Variants in PFKFB4 observed in about 807,000 individuals in gnomAD.
PFKFB4 encodes the protein 6-phosphofructo-2-kinase/fructose-2,6-bisphosphatase 4.
In PFKFB4, 42 loss-of-function variants were observed where a neutral mutation model predicts 62.8. The observed-to-expected ratio is 0.67, with a 90% CI of 0.52 to 0.86. The LOEUF (loss-of-function observed/expected upper bound fraction) is 0.86, where lower values mean the gene tolerates loss of function less well. Among genes scored for constraint, PFKFB4 ranks in the 40% least tolerant of loss-of-function variants. The pLI is 0.00. For missense variants in PFKFB4, 475 were observed against 627.2 expected, an observed-to-expected ratio of 0.76 and a Z score of 2.59; for synonymous variants, 204 against 240.7, an observed-to-expected ratio of 0.85 and a Z score of 1.41.
In PFKFB4 at chr3:48,536,574, G is replaced by A. The variant is rs147334619; in HGVS notation, c.633-111C>T. On this transcript the variant is annotated intron_variant, in intron 7 of 13. Transcript: ENST00000232375. ...CGAGGCCTTGCACTTCCAACCACCA[G>A]AGATTACAACCCTCAGGACCGTCAG... The A allele has an allele frequency of 1.2e-3, 989 of 792,090 alleles. 7 individuals are homozygous for A. The African/African-American group carries it at 0.015, about 12-fold the overall frequency. 49.1% of individuals were successfully genotyped at this position (792,090 alleles called of 1,614,324 possible). A position where few individuals can be genotyped will look rare whatever the true frequency, so the allele number is the denominator to read the frequency against.
chr3:48,541,211 T>C (rs2042788695), intron 4 of PFKFB4, among the ~76,000 whole-genome samples: 1 of 151,628 alleles, frequency 6.6e-6, no homozygotes, highest in African/African-American at 2.4e-5. Context: ...CAGTCTCCCA[T>C]CTGCCTCCTG....
Position 48,536,442 on chromosome 3 carries a change from G to T in PFKFB4, c.654C>A (p.Ile218=), listed in dbSNP as rs1455085977. 2 of 1,613,658 alleles carry T rather than the reference G, an allele frequency of 1.2e-6. No homozygotes were observed. The highest frequency in any genetic ancestry group is 2.2e-5 in the East Asian group (1 of 44,880). Residue 218 remains isoleucine (I), a synonymous_variant, in exon 8 of 14, where the codon ATC becomes ATA. Transcript: ENST00000232375. The part of the protein sequence containing the change: ...DLDRDLSYIK[I]MDVGQSYVVN... The stretch of plus-strand genomic sequence containing the variant: ...CCACGTAGCTCTGGCCCACATCCAT[G>T]ATCTTGATATAGGACAGGTCCCTGT...
rs573315338 is a variant in PFKFB4, at chr3:48,556,396, G to C, written c.97+285C>G. 7.2e-5 allele frequency among the ~76,000 whole-genome samples: 11 copies of C among 152,234 alleles called. No individual in the cohort carries two copies. In the South Asian group the frequency reaches 2.1e-3, roughly 29 times the overall value. On this transcript the variant is annotated intron_variant, in intron 1 of 13. Coordinates refer to ENST00000232375, the MANE Select transcript of PFKFB4 (RefSeq NM_004567.4). This position sits in a 1 kb window ranked among gnomAD's most constrained non-coding sequence, Gnocchi z 5.7. ...TGGGGATTGGAGAGGGAAGCGAGGG[G>C]GCCAGAGCCCTCCCCGAGGTGATGG...
At position 48,556,620 on chromosome 3, in the gene PFKFB4, G is replaced by T; in HGVS notation, c.97+61C>A. 7.2e-7 allele frequency: 1 copy of T among 1,397,446 alleles called. No homozygotes were observed. 86.6% of individuals were successfully genotyped at this position (1,397,446 alleles called of 1,614,324 possible). On this transcript the variant is annotated intron_variant, in intron 1 of 13. Transcript: ENST00000232375. The surrounding 1 kb of genome is among the most constrained non-coding windows in gnomAD (Gnocchi z 5.7). ...CTTCTCCATGCGAGACCCCCGCCCA[G>T]GCCGCCCTACCCACCCATCCCGGTG...
Position 48,539,773 on chromosome 3 carries a change from T to C in PFKFB4, c.379-2A>G. The C allele has an allele frequency of 2.5e-6, 4 of 1,613,578 alleles. No individual in the cohort carries two copies. Among genetic ancestry groups the C allele is most frequent in the Non-Finnish European group, 3.4e-6 (4 of 1,179,470 alleles). ...GGTGGTGTTTGTGGCATCAAAAACC[T>C]AGGACCAAACTAGGGTTAACTCAGC... On this transcript the variant is annotated splice_acceptor_variant, in intron 4 of 13. Coordinates refer to ENST00000232375, the MANE Select transcript of PFKFB4 (RefSeq NM_004567.4). LOFTEE classifies it high-confidence loss of function.
At chr3:48,551,908 C>T (rs1056737706) in intron 1 of PFKFB4, among the ~76,000 whole-genome samples, 7 of 152,170 alleles carry the variant, frequency 4.6e-5, no homozygotes, top group Admixed American at 3.3e-4. Flanking sequence ...TTTTCCTCAT[C>T]CTTAGGACCT....
At chr3:48,530,401 T>G (rs568788115) in intron 9 of PFKFB4, among the ~76,000 whole-genome samples, 6 of 152,232 alleles carry the variant, frequency 3.9e-5, no homozygotes, top group Non-Finnish European at 8.8e-5. Flanking sequence ...ATTATTTTCC[T>G]GTGACAGTAT....
chr3:48,520,956 G>A (rs747063417), intron 13 of PFKFB4, among the ~76,000 whole-genome samples: 10 of 152,228 alleles, frequency 6.6e-5, no homozygotes, highest in Non-Finnish European at 1.2e-4. Context: ...CCCGTTGGGA[G>A]GTACGTTCCC....
Position 48,556,619 on chromosome 3 carries a change from A to AC in PFKFB4, c.97+61_97+62insG. On this transcript the variant is annotated intron_variant, in intron 1 of 13. Transcript: ENST00000232375. This position sits in a 1 kb window ranked among gnomAD's most constrained non-coding sequence, Gnocchi z 5.7. The stretch of plus-strand genomic sequence containing the variant: ...CCTTCTCCATGCGAGACCCCCGCCC[A>AC]GGCCGCCCTACCCACCCATCCCGGT... 2 of 1,189,386 alleles carry AC rather than the reference A, an allele frequency of 1.7e-6. No homozygotes were observed. The highest frequency in any genetic ancestry group is 1.1e-6 in the Non-Finnish European group (1 of 872,364). The allele number at this position is 1,189,386 out of a possible 1,614,324, so 73.7% of individuals were successfully genotyped here.
rs769099763 is a variant in PFKFB4 at position 48,539,299 on chromosome 3, G to A, written c.465C>T (p.Val155=). ...GEQNGYKTFF[V]ESICVDPEVI... ...CCTCAGGATCCACACAGATGGACTC[G>A]ACAAAAAAGGTCTGCGGCAGGACCA... Residue 155 remains valine, a synonymous_variant, in exon 6 of 14, where the codon GTC becomes GTT. Coordinates refer to ENST00000232375, the MANE Select transcript of PFKFB4 (RefSeq NM_004567.4). The A allele has an allele frequency of 6.2e-6, 10 of 1,612,388 alleles. No homozygotes were observed. In the Admixed American group the frequency reaches 6.7e-5, roughly 11 times the overall value.
intron 1 of PFKFB4, among the ~76,000 whole-genome samples, chr3:48,552,177 A>G (rs1157018871): frequency 1.3e-5 from 2 of 152,214 alleles, no homozygotes; most frequent in East Asian, 1.9e-4. Flanking sequence ...TGGGGCAGTC[A>G]TCCCTCAGAG....
intron 1 of PFKFB4, among the ~76,000 whole-genome samples, chr3:48,550,538 A>G (rs902038806): frequency 6.6e-6 from 1 of 152,114 alleles, no homozygotes; most frequent in African/African-American, 2.4e-5. Context: ...CTGGCTAAAC[A>G]TGGCTAGGGG....
intron 11 of PFKFB4, 46 bp downstream of exon 11, chr3:48,523,655 A>G (rs771888726): frequency 1.9e-6 from 3 of 1,614,058 alleles, no homozygotes; most frequent in South Asian, 1.1e-5. Context: ...GACAGTGCCT[A>G]CCTTCTCACA....
At chr3:48,539,595 C>G in intron 5 of PFKFB4, 102 bp downstream of exon 5, 1 of 1,017,366 alleles carries the variant, frequency 9.8e-7, no homozygotes, top group Non-Finnish European at 1.5e-6. Flanking sequence ...AGGAGCCATG[C>G]CAGCCCCATG....
At position 48,521,150 on chromosome 3, in the gene PFKFB4, C is replaced by T. The variant is rs2042084115; in HGVS notation, c.1350+836G>A. Among the ~76,000 whole-genome samples the T allele has an allele frequency of 6.6e-6, 1 of 152,182 alleles. No individual in the cohort carries two copies. The highest frequency in any genetic ancestry group is 2.4e-5 in the African/African-American group (1 of 41,448). On this transcript the variant is annotated intron_variant, in intron 13 of 13. Coordinates refer to ENST00000232375, the MANE Select transcript of PFKFB4 (RefSeq NM_004567.4). This position sits in a 1 kb window ranked among gnomAD's most constrained non-coding sequence, Gnocchi z 5.3. ...AGGTCCAAGGCCAGATGTCCTGGTCCAGCCCAAGACGTGCATCCTCAGCAG... is the reference window on the plus strand; with the variant it reads ...AGGTCCAAGGCCAGATGTCCTGGTCTAGCCCAAGACGTGCATCCTCAGCAG...
At chr3:48,519,935 C>G (rs2042044200) in intron 13 of PFKFB4, 129 bp from the exon 14 acceptor site, 2 of 689,810 alleles carry the variant, frequency 2.9e-6, no homozygotes, top group African/African-American at 3.5e-5. Context: ...CCGCAAGACT[C>G]TAGACCACAA....
chr3:48,557,936 A>G (rs946723021), upstream of PFKFB4, among the ~76,000 whole-genome samples: 4 of 151,498 alleles, frequency 2.6e-5, no homozygotes, highest in African/African-American at 9.7e-5. Flanking sequence ...TTTTTTTTTG[A>G]TTTTTAGTAT....
chr3:48,535,727 A>G (rs1384121195), intron 8 of PFKFB4, 69 bp from the exon 9 acceptor site: 13 of 1,578,926 alleles, frequency 8.2e-6, no homozygotes, highest in Non-Finnish European at 1.1e-5. Context: ...CCATAGCCGC[A>G]GGGTCCATGA....
chr3:48,549,480 T>A (rs2043062528), intron 3 of PFKFB4, among the ~76,000 whole-genome samples: 1 of 152,042 alleles, frequency 6.6e-6, no homozygotes. Context: ...TGAGCGAGCG[T>A]GACCTCCAGG....
Sources: gnomAD v4.1 joint callset for allele counts (sites outside exome capture counted in the v4.1 genomes callset) on GRCh38, gnomAD v4.1.1 for gene constraint, Gnocchi (gnomAD v3.1) non-coding constraint, MANE v1.5 for transcripts, NCBI Gene and HGNC (gene_info 2026-07-23, HGNC 2026-07-21) for gene names.